The following NXNL2 variants were observed in gnomAD, a reference collection of about 807,000 sequenced individuals.
NXNL2 encodes nucleoredoxin-like protein 2.
A neutral mutation model predicts 11.1 loss-of-function variants in NXNL2; 7 were observed. The ratio of observed to expected loss-of-function variants is 0.63; its 90% CI spans 0.36 to 1.18. The LOEUF is 1.18. NXNL2 is among the 50% of genes most tolerant of loss of function. The pLI is 0.02. For synonymous variants in NXNL2, 109 were observed against 101.8 expected (o/e 1.07, Z -0.42); for missense variants, 233 against 217.7 (o/e 1.07, Z -0.44).
At chr9:88,565,322 G>A (rs1227170287) in intron 1 of NXNL2, among the ~76,000 whole-genome samples, 1 of 152,134 alleles carries the variant, frequency 6.6e-6, no homozygotes, top group African/African-American at 2.4e-5. Flanking sequence ...AGGGGACATG[G>A]GACTGCAGAT....
At chr9:88,574,695 C>T (rs193210875) in intron 2 of NXNL2, among the ~76,000 whole-genome samples, 97 of 152,300 alleles carry the variant, frequency 6.4e-4, no homozygotes, top group African/African-American at 2.2e-3. Context: ...CTTCCTTATA[C>T]AGCATATTTG....
chr9:88,542,037 T>G (rs1359842092), intron 1 of NXNL2, among the ~76,000 whole-genome samples: 2 of 151,824 alleles, frequency 1.3e-5, no homozygotes, highest in African/African-American at 2.4e-5. Flanking sequence ...GAGACCATCC[T>G]GGCTAACATG....
At chr9:88,577,281 G>C (rs948597929), downstream of NXNL2, among the ~76,000 whole-genome samples, 4 of 151,536 alleles carry the variant, frequency 2.6e-5, no homozygotes, top group Non-Finnish European at 5.9e-5. Flanking sequence ...TGGATGGGGT[G>C]TGTGTGTTTG....
Position 88,544,534 on chromosome 9 carries a change from AT to A in NXNL2, c.461del (p.Phe154SerfsTer87). The A allele has an allele frequency of 6.5e-7, 1 of 1,536,920 alleles. No individual in the cohort carries two copies. The highest frequency in any genetic ancestry group is 8.8e-7 in the Non-Finnish European group (1 of 1,139,444). The part of the protein sequence containing the change: ...DWVEAADIFQ[N>X]FSV ...GTGGAGGCGGCCGATATCTTCCAGAATTTCTCCGTTTGAAGTGGGAGGGACC... is the reference window on the plus strand; with the variant it reads ...GTGGAGGCGGCCGATATCTTCCAGAATTCTCCGTTTGAAGTGGGAGGGACC... On this transcript the variant is annotated frameshift_variant, in exon 2 of 2. Coordinates refer to ENST00000375854, the MANE Select transcript of NXNL2 (RefSeq NM_001161625.2). LOFTEE classifies it high-confidence loss of function.
intron 1 of NXNL2, among the ~76,000 whole-genome samples, chr9:88,553,283 T>C (rs1434579808): frequency 6.6e-6 from 1 of 150,520 alleles, no homozygotes; most frequent in African/African-American, 2.5e-5. Context: ...GAAGCGGAGG[T>C]TGCAGTGAGC....
rs796387920 is a variant in NXNL2 at position 88,552,473 on chromosome 9, G to GGTTTTTTTTTTTT, written c.302+16737_302+16738insGTTTTTTTTTTTT. On this transcript the variant is annotated intron_variant, in intron 1 of 2. Coordinates refer to the NXNL2 transcript ENST00000375855. The stretch of plus-strand genomic sequence containing the variant: ...CTAGTTTTCTGCTTTAAACATGCAT[G>GGTTTTTTTTTTTT]TTTTTTTTTTTTTTTTTGAGATGGA... 2.6e-4 allele frequency among the ~76,000 whole-genome samples: 34 copies of GGTTTTTTTTTTTT among 131,558 alleles called. 1 individual carries two copies. Among genetic ancestry groups the GGTTTTTTTTTTTT allele is most frequent in the African/African-American group, 8.7e-4 (31 of 35,504 alleles). The allele number at this position is 131,558 out of a possible 152,430, so 86.3% of individuals were successfully genotyped here.
rs561863031 is a variant in NXNL2 at position 88,570,667 on chromosome 9, A to G, written c.303-420A>G. 5.3e-5 allele frequency among the ~76,000 whole-genome samples: 8 copies of G among 152,310 alleles called. No homozygotes were observed. The South Asian group carries it at 1.7e-3, about 32-fold the overall frequency. On this transcript the variant is annotated intron_variant, in intron 1 of 2. Transcript: ENST00000375855. ...AAAGGGCATCCAGCACGCAGCAAACATTATGTAAATGCTTGGTTCATTTGG... is the reference window on the plus strand; with the variant it reads ...AAAGGGCATCCAGCACGCAGCAAACGTTATGTAAATGCTTGGTTCATTTGG...
chr9:88,537,448 C>G (rs763525795), intron 1 of NXNL2, among the ~76,000 whole-genome samples: 1 of 152,212 alleles, frequency 6.6e-6, no homozygotes, highest in Non-Finnish European at 1.5e-5. Context: ...CGTGGGTCAG[C>G]TGTGTGCTCC....
At chr9:88,568,933 A>T (rs989194008) in intron 1 of NXNL2, among the ~76,000 whole-genome samples, 7 of 149,202 alleles carry the variant, frequency 4.7e-5, no homozygotes, top group Admixed American at 3.3e-4. Context: ...CTCTTGATGA[A>T]TTTTTTTTTT....
intron 1 of NXNL2, among the ~76,000 whole-genome samples, chr9:88,554,820 T>A (rs1435508031): frequency 2.0e-5 from 3 of 152,190 alleles, no homozygotes; most frequent in Admixed American, 2.0e-4. Flanking sequence ...AAATAAAATT[T>A]CAGGGCCCTA....
chr9:88,542,967 C>T (rs536832057), intron 1 of NXNL2, among the ~76,000 whole-genome samples: 11 of 152,288 alleles, frequency 7.2e-5, no homozygotes, highest in African/African-American at 1.7e-4. Context: ...CTGTGAGGCC[C>T]TGGTGACCTG....
intron 1 of NXNL2, among the ~76,000 whole-genome samples, chr9:88,552,477 T>TTA (rs1487237411): frequency 1.4e-5 from 2 of 138,794 alleles, no homozygotes; most frequent in African/African-American, 6.5e-5. Context: ...ATGCATGTTT[T>TTA]TTTTTTTTTT....
At chr9:88,574,699 A>G (rs558677972) in intron 2 of NXNL2, among the ~76,000 whole-genome samples, 16 of 152,298 alleles carry the variant, frequency 1.1e-4, no homozygotes, top group African/African-American at 3.6e-4. Context: ...CTTATACAGC[A>G]TATTTGGGGC....
In NXNL2 at chr9:88,544,562, C is replaced by A; in HGVS notation, c.*15C>A. 6.6e-7 allele frequency: 1 copy of A among 1,516,002 alleles called. No homozygotes were observed. The highest frequency in any genetic ancestry group is 1.3e-5 in the South Asian group (1 of 76,082). The allele number at this position is 1,516,002 out of a possible 1,614,324, so 93.9% of individuals were successfully genotyped here. ...TCTCCGTTTGAAGTGGGAGGGACCT[C>A]AGAGGGCCAGGACAGGTGCTGCTTC... On this transcript the variant is annotated 3_prime_UTR_variant, in exon 2 of 2. Transcript: ENST00000375854.
downstream of NXNL2, among the ~76,000 whole-genome samples, chr9:88,545,689 C>T (rs746009245): frequency 1.1e-4 from 16 of 152,122 alleles, no homozygotes; most frequent in Middle Eastern, 3.4e-3. Flanking sequence ...CATTGTTATT[C>T]GTGCCCCAAA....
At chr9:88,575,013 C>A in intron 2 of NXNL2, 1 of 337,172 alleles carries the variant, frequency 3.0e-6, no homozygotes, top group Non-Finnish European at 4.2e-6. Context: ...TTTGCAACTG[C>A]ATTTTTAAGC....
downstream of NXNL2, among the ~76,000 whole-genome samples, chr9:88,548,091 C>T (rs1245994708): frequency 6.9e-6 from 1 of 145,478 alleles, no homozygotes; most frequent in Non-Finnish European, 1.5e-5. Flanking sequence ...GTAATCCCAG[C>T]ACTTTGGGAG....
At chr9:88,544,013 T>C (rs370062575) in intron 1 of NXNL2, among the ~76,000 whole-genome samples, 32 of 152,080 alleles carry the variant, frequency 2.1e-4, no homozygotes, top group African/African-American at 7.7e-4. Flanking sequence ...CTACTAAAAA[T>C]ACAAAAAATT....
Position 88,544,685 on chromosome 9 carries a change from C to G in NXNL2, c.*138C>G. On this transcript the variant is annotated 3_prime_UTR_variant, in exon 2 of 2. Transcript: ENST00000375854. ...CAGAGCAGAAGCACTAAGCTGTGGT[C>G]AAAAAGCAACTATTGCTCAGGAAAT... The G allele has an allele frequency of 7.1e-7, 1 of 1,413,918 alleles. No homozygotes were observed. The highest frequency in any genetic ancestry group is 2.7e-5 in the East Asian group (1 of 37,298). 87.6% of individuals were successfully genotyped at this position (1,413,918 alleles called of 1,614,324 possible). A position where few individuals can be genotyped will look rare whatever the true frequency, so the allele number is the denominator to read the frequency against.
Sources: gnomAD v4.1 joint callset for allele counts (sites outside exome capture counted in the v4.1 genomes callset) on GRCh38, gnomAD v4.1.1 for gene constraint, MANE v1.5 for transcripts, NCBI Gene and HGNC (gene_info 2026-07-23, HGNC 2026-07-21) for gene names.